The following MACROD2 variants were observed in gnomAD, a reference collection of about 807,000 sequenced individuals.
The protein encoded by MACROD2 is mono-ADP ribosylhydrolase 2.
A neutral mutation model predicts 70.4 loss-of-function variants in MACROD2; 36 were observed. That is an observed-to-expected ratio of 0.51 (90% CI 0.39 to 0.68). The LOEUF is 0.68. MACROD2 is among the 30% of genes least tolerant of loss of function. The pLI, the probability that MACROD2 is intolerant of heterozygous loss-of-function variation, is 0.00. For synonymous variants in MACROD2, 172 were observed against 178.8 expected (o/e 0.96, Z 0.30); for missense variants, 496 against 538.4 (o/e 0.92, Z 0.78).
chr20:15,447,045 AGTGTGCGTGTGTGTGT>A (rs1369638636), intron 7 of MACROD2, among the ~76,000 whole-genome samples: 1 of 120,260 alleles, frequency 8.3e-6, no homozygotes, highest in Admixed American at 9.7e-5. Flanking sequence ...GGGACCTAAG[AGTGTGCGTGTGTGTGT>A]GTGTGTGTGT....
At chr20:14,947,615 T>TTA (rs575820065) in intron 5 of MACROD2, among the ~76,000 whole-genome samples, 117 of 152,272 alleles carry the variant, frequency 7.7e-4, no homozygotes, top group African/African-American at 2.8e-3. Flanking sequence ...CCTAGAGGGC[T>TTA]TATTAAAACA....
At chr20:14,087,561 G>A (rs2054093560) in intron 3 of MACROD2, among the ~76,000 whole-genome samples, 1 of 152,088 alleles carries the variant, frequency 6.6e-6, no homozygotes, top group South Asian at 2.1e-4. Flanking sequence ...TGAGAGAGGA[G>A]GCTGGGTCAT....
At chr20:14,033,174 C>A (rs2053266655) in intron 2 of MACROD2, among the ~76,000 whole-genome samples, 1 of 150,724 alleles carries the variant, frequency 6.6e-6, no homozygotes, top group Admixed American at 6.6e-5. Context: ...TTTTTTTCCC[C>A]CCAGATATCT....
At chr20:14,775,127 C>G (rs1456891256) in intron 5 of MACROD2, among the ~76,000 whole-genome samples, 1 of 152,060 alleles carries the variant, frequency 6.6e-6, no homozygotes, top group Non-Finnish European at 1.5e-5. Context: ...ATGTTTACCA[C>G]TTATGAAAAG....
intron 5 of MACROD2, among the ~76,000 whole-genome samples, chr20:14,824,195 G>A (rs1465522753): frequency 6.6e-6 from 1 of 152,090 alleles, no homozygotes; most frequent in African/African-American, 2.4e-5. Flanking sequence ...TCAATTCAGA[G>A]CTGTTGAACA....
intron 3 of MACROD2, among the ~76,000 whole-genome samples, chr20:14,355,326 T>G (rs980486983): frequency 1.5e-4 from 23 of 152,118 alleles, no homozygotes; most frequent in African/African-American, 5.6e-4. Context: ...ACAGAGTGAG[T>G]TATGACTCTG....
chr20:14,025,307 A>G (rs188261766), intron 2 of MACROD2, among the ~76,000 whole-genome samples: 223 of 152,216 alleles, frequency 1.5e-3, no homozygotes, highest in African/African-American at 5.1e-3. Context: ...TTAGTCTTCA[A>G]AACACCAGCT....
intron 8 of MACROD2, among the ~76,000 whole-genome samples, chr20:15,629,935 G>T (rs2049263674): frequency 6.6e-6 from 1 of 152,192 alleles, no homozygotes; most frequent in Non-Finnish European, 1.5e-5. Flanking sequence ...ATGTGGGAAT[G>T]GTCAAACATT....
At chr20:15,627,864 G>A (rs2049229017) in intron 8 of MACROD2, among the ~76,000 whole-genome samples, 1 of 152,164 alleles carries the variant, frequency 6.6e-6, no homozygotes, top group South Asian at 2.1e-4. Flanking sequence ...ATAAACTAAA[G>A]TTAGCTTAGC....
chr20:15,914,052 ACTAC>A (rs2065275163), intron 10 of MACROD2, among the ~76,000 whole-genome samples: 1 of 152,196 alleles, frequency 6.6e-6, no homozygotes, highest in East Asian at 1.9e-4. Context: ...TTCTTTAGGG[ACTAC>A]CAGAGTAGTG....
intron 5 of MACROD2, among the ~76,000 whole-genome samples, chr20:15,133,795 TTAAA>T (rs1473672487): frequency 6.6e-6 from 1 of 152,144 alleles, no homozygotes; most frequent in Non-Finnish European, 1.5e-5. Context: ...ATGAGACTGT[TTAAA>T]TAACACAATA....
At chr20:15,522,599 CA>C (rs1305162966) in intron 8 of MACROD2, among the ~76,000 whole-genome samples, 2 of 152,150 alleles carry the variant, frequency 1.3e-5, no homozygotes, top group African/African-American at 2.4e-5. Context: ...TTCCTGAGGA[CA>C]AATTATAAGC....
intron 5 of MACROD2, among the ~76,000 whole-genome samples, chr20:14,798,188 A>G (rs1385113195): frequency 6.6e-6 from 1 of 151,978 alleles, no homozygotes. Flanking sequence ...AGCTTGCAAA[A>G]CCCACTCATA....
chr20:15,522,591 C>T (rs906356894), intron 8 of MACROD2, among the ~76,000 whole-genome samples: 19 of 152,208 alleles, frequency 1.2e-4, no homozygotes, highest in Middle Eastern at 3.4e-3. Flanking sequence ...TGTATTTTTT[C>T]CTGAGGACAA....
At chr20:14,821,852 A>G (rs2072848676) in intron 5 of MACROD2, among the ~76,000 whole-genome samples, 1 of 152,072 alleles carries the variant, frequency 6.6e-6, no homozygotes, top group Non-Finnish European at 1.5e-5. Context: ...TCATGAGTAA[A>G]GCCTGCCAGT....
intron 3 of MACROD2, among the ~76,000 whole-genome samples, chr20:14,103,974 TA>T (rs1340977046): frequency 1.3e-5 from 2 of 152,152 alleles, no homozygotes; most frequent in Admixed American, 1.3e-4. Context: ...ATGAAAGTTT[TA>T]AAACTTTTTT....
At chr20:14,236,314 C>G (rs2081870321) in intron 3 of MACROD2, among the ~76,000 whole-genome samples, 1 of 152,014 alleles carries the variant, frequency 6.6e-6, no homozygotes, top group African/African-American at 2.4e-5. Context: ...TGCAGTAGAA[C>G]TTTTCCAGTT....
At chr20:15,743,819 T>G (rs1392650869) in intron 8 of MACROD2, among the ~76,000 whole-genome samples, 3 of 152,210 alleles carry the variant, frequency 2.0e-5, no homozygotes, top group Non-Finnish European at 4.4e-5. Context: ...TCACTCTTCT[T>G]TCTCTTTCTC....
intron 8 of MACROD2, among the ~76,000 whole-genome samples, chr20:15,819,994 TA>T (rs2063921977): frequency 6.6e-6 from 1 of 152,202 alleles, no homozygotes; most frequent in Admixed American, 6.5e-5. Context: ...TTTTACTATC[TA>T]TATGTATCCC....
Sources: gnomAD v4.1 joint callset for allele counts (sites outside exome capture counted in the v4.1 genomes callset) on GRCh38, gnomAD v4.1.1 for gene constraint, MANE v1.5 for transcripts, NCBI Gene and HGNC (gene_info 2026-07-23, HGNC 2026-07-21) for gene names.